PLCH1: variants seen among roughly 807,000 people sequenced by gnomAD.
The protein encoded by PLCH1 is 1-phosphatidylinositol 4,5-bisphosphate phosphodiesterase eta-1.
In PLCH1, 60 loss-of-function variants were observed where a neutral mutation model predicts 126.7. The observed-to-expected ratio is 0.47, with a 90% confidence interval of 0.38 to 0.59. The LOEUF (loss-of-function observed/expected upper bound fraction) is 0.59. Among genes scored for constraint, PLCH1 ranks in the 20% least tolerant of loss-of-function variants. The pLI is 0.00. For missense variants in PLCH1, 1,723 were observed against 2,040.0 expected (o/e 0.84, Z 2.99); for synonymous variants, 719 against 734.9 (o/e 0.98, Z 0.35).
At chr3:155,737,204 C>G (rs1454846751) in intron 1 of PLCH1, among the ~76,000 whole-genome samples, 1 of 116,312 alleles carries the variant, frequency 8.6e-6, no homozygotes, top group African/African-American at 3.1e-5. Flanking sequence ...TGCACTCCAG[C>G]CTGGGTGACA....
chr3:155,712,896 T>C (rs1030902987), intron 1 of PLCH1, among the ~76,000 whole-genome samples: 18 of 151,618 alleles, frequency 1.2e-4, no homozygotes, highest in African/African-American at 4.1e-4. Context: ...AGTATCCTTT[T>C]CCATAAAAAC....
Position 155,703,363 on chromosome 3 carries a change from G to T in PLCH1, c.79+783C>A, listed in dbSNP as rs567383619. Among the ~76,000 whole-genome samples, 23 of 152,212 alleles carry T rather than the reference G, an allele frequency of 1.5e-4. No homozygotes were observed. The South Asian group carries it at 2.9e-3, about 19-fold the overall frequency. ...CTCTGTTCCCTCTACAATTCCACAG[G>T]CCTCTGATAGAGATTACTCCAAAAA... On this transcript the variant is annotated intron_variant, in intron 2 of 22. Transcript: ENST00000460012.
chr3:155,590,007 G>A (rs1437727931), intron 4 of PLCH1, among the ~76,000 whole-genome samples: 1 of 152,150 alleles, frequency 6.6e-6, no homozygotes, highest in Non-Finnish European at 1.5e-5. Flanking sequence ...CGCAGGCAGT[G>A]CAGCACCAGG....
intron 2 of PLCH1, among the ~76,000 whole-genome samples, chr3:155,653,073 T>C (rs558498728): frequency 6.6e-6 from 1 of 152,170 alleles, no homozygotes; most frequent in South Asian, 2.1e-4. Flanking sequence ...GTAATTTACA[T>C]ACATTGCTGG....
chr3:155,512,846 CTA>C (rs1003512634), intron 12 of PLCH1, among the ~76,000 whole-genome samples: 1 of 152,194 alleles, frequency 6.6e-6, no homozygotes, highest in Non-Finnish European at 1.5e-5. Flanking sequence ...TGAACTATCA[CTA>C]TGGCAGTGGT....
chr3:155,712,677 T>TC (rs1747219304), intron 1 of PLCH1, among the ~76,000 whole-genome samples: 1 of 151,806 alleles, frequency 6.6e-6, no homozygotes, highest in Non-Finnish European at 1.5e-5. Context: ...GAGACGGAGG[T>TC]AGCAGTAAGC....
intron 4 of PLCH1, among the ~76,000 whole-genome samples, chr3:155,588,035 G>A (rs543254357): frequency 6.6e-6 from 1 of 152,082 alleles, no homozygotes; most frequent in East Asian, 1.9e-4. Flanking sequence ...AGAGGAGAGG[G>A]TACAGCATAT....
chr3:155,522,883 G>T (rs1046857218), intron 11 of PLCH1, among the ~76,000 whole-genome samples: 21 of 148,034 alleles, frequency 1.4e-4, no homozygotes, highest in African/African-American at 5.0e-4. Flanking sequence ...AAGCGATGAG[G>T]CATCTTTTTA....
intron 1 of PLCH1, among the ~76,000 whole-genome samples, chr3:155,706,172 CAAAAA>C (rs34725442): frequency 0.019 from 1,146 of 61,588 alleles, 21 homozygotes; most frequent in African/African-American, 0.059. Flanking sequence ...GACTCTATCT[CAAAAA>C]AAAAAAAAAA....
intron 13 of PLCH1, among the ~76,000 whole-genome samples, chr3:155,502,477 T>C (rs1269342228): frequency 6.6e-6 from 1 of 152,238 alleles, no homozygotes; most frequent in African/African-American, 2.4e-5. Flanking sequence ...TGAAAGACTA[T>C]TTTAATTGTA....
intron 1 of PLCH1, among the ~76,000 whole-genome samples, chr3:155,707,169 C>T (rs1746741805): frequency 6.6e-6 from 1 of 152,214 alleles, no homozygotes; most frequent in Non-Finnish European, 1.5e-5. Flanking sequence ...ATGCCTTGAT[C>T]TTAGACTTCC....
At chr3:155,690,134 G>C (rs143687183) in intron 2 of PLCH1, among the ~76,000 whole-genome samples, 9 of 152,040 alleles carry the variant, frequency 5.9e-5, no homozygotes, top group African/African-American at 2.2e-4. Flanking sequence ...AGCCAGGAGA[G>C]AGTAGCATGA....
chr3:155,511,005 G>C (rs1375457861), intron 12 of PLCH1, among the ~76,000 whole-genome samples: 2 of 125,380 alleles, frequency 1.6e-5, no homozygotes, highest in Admixed American at 1.6e-4. Context: ...ATCATACGTA[G>C]ATTTGGTCTT....
At chr3:155,628,895 C>T (rs976692051) in intron 2 of PLCH1, among the ~76,000 whole-genome samples, 2 of 152,140 alleles carry the variant, frequency 1.3e-5, no homozygotes, top group Non-Finnish European at 2.9e-5. Context: ...GTTATATTCA[C>T]TTTAAAATTC....
chr3:155,729,047 C>A (rs75163650), intron 1 of PLCH1, among the ~76,000 whole-genome samples: 8,446 of 152,278 alleles, frequency 0.055, 514 homozygotes, highest in African/African-American at 0.15. Context: ...CCAGTGATTT[C>A]CACACTTTTT....
At chr3:155,673,399 A>G (rs1743736407) in intron 2 of PLCH1, among the ~76,000 whole-genome samples, 1 of 152,168 alleles carries the variant, frequency 6.6e-6, no homozygotes, top group Non-Finnish European at 1.5e-5. Context: ...GATAAAGCAC[A>G]TGGTCTATCT....
chr3:155,632,835 T>C (rs1738208831), intron 2 of PLCH1, among the ~76,000 whole-genome samples: 1 of 152,190 alleles, frequency 6.6e-6, no homozygotes. Flanking sequence ...TTTGAATTTC[T>C]GATATTAATA....
intron 2 of PLCH1, among the ~76,000 whole-genome samples, chr3:155,669,153 G>GAA (rs375786717): frequency 9.1e-6 from 1 of 109,466 alleles, no homozygotes; most frequent in Non-Finnish European, 2.0e-5. Flanking sequence ...TACTTCTTCA[G>GAA]AAAAAAAAAA....
intron 1 of PLCH1, among the ~76,000 whole-genome samples, chr3:155,716,425 A>T (rs1483662466): frequency 6.6e-6 from 1 of 152,224 alleles, no homozygotes; most frequent in Non-Finnish European, 1.5e-5. Flanking sequence ...AGACTGGCTA[A>T]TTTATAAGAA....
Sources: allele counts gnomAD v4.1 joint callset (sites outside exome capture counted in the v4.1 genomes callset), GRCh38; gene constraint gnomAD v4.1.1; transcripts MANE v1.5; gene names NCBI Gene and HGNC (gene_info 2026-07-23, HGNC 2026-07-21).